SLC22A23: variants seen among roughly 807,000 people sequenced by gnomAD.
The protein encoded by SLC22A23 is ion transporter protein.
A neutral mutation model predicts 61.0 loss-of-function variants in SLC22A23; 26 were observed. The observed-to-expected ratio is 0.43, with a 90% CI of 0.31 to 0.59. SLC22A23 has a LOEUF of 0.59. Ranked by LOEUF, SLC22A23 falls within the 20% of genes least tolerant of loss-of-function variation. The probability of loss-of-function intolerance (pLI) is 0.11; values close to 1 mark genes in which losing one functional copy is unlikely to be tolerated. For missense variants in SLC22A23, 796 were observed against 934.7 expected, an observed-to-expected ratio of 0.85 and a Z score of 1.94; for synonymous variants, 430 against 413.9, an observed-to-expected ratio of 1.04 and a Z score of -0.47.
chr6:3,299,763 G>A (rs1244942104), intron 4 of SLC22A23, among the ~76,000 whole-genome samples: 1 of 152,170 alleles, frequency 6.6e-6, no homozygotes, highest in African/African-American at 2.4e-5. Context: ...GGGAGTGGGT[G>A]TGGCTATGGG....
rs1188922153 is a variant in SLC22A23, at chr6:3,318,804, C to G, written c.1082+5030G>C. On this transcript the variant is annotated intron_variant, in intron 4 of 9. Coordinates refer to ENST00000406686, the MANE Select transcript of SLC22A23 (RefSeq NM_015482.2). The surrounding 1 kb of genome is among the most constrained non-coding windows in gnomAD (Gnocchi z 4.3). ...CAGGACAGGACTTCAGCCTCCAGCC[C>G]TCCTGAGCTTCCATGTTTCTTAAAG... Among the ~76,000 whole-genome samples the G allele has an allele frequency of 2.0e-5, 3 of 152,202 alleles. No individual in the cohort carries two copies. In the East Asian group the frequency reaches 5.8e-4, roughly 29 times the overall value.
chr6:3,289,534 T>G (rs1298343419), intron 6 of SLC22A23, among the ~76,000 whole-genome samples: 4 of 152,148 alleles, frequency 2.6e-5, no homozygotes, highest in African/African-American at 9.7e-5. Flanking sequence ...GGGCACGTGG[T>G]GGGGAGGCCC....
At chr6:3,455,793 C>G (rs942935341) in intron 1 of SLC22A23, 113 bp downstream of exon 1, 12 of 1,307,470 alleles carry the variant, frequency 9.2e-6, no homozygotes, top group Middle Eastern at 2.7e-4. Flanking sequence ...GCGGAATGCC[C>G]TACACACACT....
Position 3,410,552 on chromosome 6 carries a change from G to A in SLC22A23, c.759-210C>T, listed in dbSNP as rs6924415. Among the ~76,000 whole-genome samples, 19,351 of 152,024 alleles carry A rather than the reference G, an allele frequency of 0.13. 3,531 individuals are homozygous for A. Among genetic ancestry groups the A allele is most frequent in the African/African-American group, 0.41 (16,930 of 41,354 alleles). On this transcript the variant is annotated intron_variant, in intron 2 of 9. Coordinates refer to ENST00000406686, the MANE Select transcript of SLC22A23 (RefSeq NM_015482.2). This position sits in a 1 kb window ranked among gnomAD's most constrained non-coding sequence, Gnocchi z 5.0. The stretch of plus-strand genomic sequence containing the variant: ...CAACCCCCTAATTCTCGAGATAAGG[G>A]AGCAGAGATCAACCAATTACAGAGT...
chr6:3,299,250 G>A (rs890944807), intron 4 of SLC22A23, among the ~76,000 whole-genome samples: 1 of 152,204 alleles, frequency 6.6e-6, no homozygotes, highest in Non-Finnish European at 1.5e-5. Flanking sequence ...CTAAAGCATG[G>A]AGAAACAATT....
chr6:3,349,682 A>T (rs558444977), intron 3 of SLC22A23, among the ~76,000 whole-genome samples: 2 of 152,278 alleles, frequency 1.3e-5, no homozygotes, highest in East Asian at 3.9e-4. Flanking sequence ...ATACTCAACC[A>T]CCCAAGTGCT....
intron 9 of SLC22A23, among the ~76,000 whole-genome samples, chr6:3,274,894 G>A (rs186094136): frequency 6.9e-6 from 1 of 145,034 alleles, no homozygotes; most frequent in South Asian, 2.2e-4. Context: ...ATATTATAAA[G>A]ATGGTAATTT....
At chr6:3,298,299 A>G in intron 4 of SLC22A23, 81 bp from the exon 5 acceptor site, 19 of 1,496,342 alleles carry the variant, frequency 1.3e-5, no homozygotes, top group Non-Finnish European at 1.7e-5. Flanking sequence ...GTGGCCCGGG[A>G]GCTTCCCAGG....
intron 3 of SLC22A23, among the ~76,000 whole-genome samples, chr6:3,334,273 C>T (rs972783552): frequency 1.4e-4 from 22 of 152,130 alleles, no homozygotes; most frequent in African/African-American, 2.2e-4. Context: ...GCTATTCTTC[C>T]GCCTCAGCTT....
At chr6:3,439,673 T>C (rs1476843274) in intron 1 of SLC22A23, among the ~76,000 whole-genome samples, 1 of 152,146 alleles carries the variant, frequency 6.6e-6, no homozygotes, top group African/African-American at 2.4e-5. Flanking sequence ...CTCACTCAAA[T>C]GAGAGCAAAA....
intron 1 of SLC22A23, among the ~76,000 whole-genome samples, chr6:3,419,308 T>C (rs1769958924): frequency 6.6e-6 from 1 of 152,116 alleles, no homozygotes; most frequent in African/African-American, 2.4e-5. Flanking sequence ...CCCCGATTTA[T>C]AGGGATGGGG....
At chr6:3,455,211 C>CTAAA (rs1274009152) in intron 1 of SLC22A23, among the ~76,000 whole-genome samples, 2 of 152,206 alleles carry the variant, frequency 1.3e-5, no homozygotes, top group African/African-American at 4.8e-5. Context: ...CATGTTTCAG[C>CTAAA]TAAAGCACAC....
intron 1 of SLC22A23, among the ~76,000 whole-genome samples, chr6:3,416,875 A>C (rs977173197): frequency 6.6e-6 from 1 of 152,172 alleles, no homozygotes; most frequent in Non-Finnish European, 1.5e-5. Flanking sequence ...CCGGAGCGGG[A>C]GGTGTTCTGG....
At chr6:3,381,234 C>T (rs1304988488) in intron 3 of SLC22A23, among the ~76,000 whole-genome samples, 2 of 152,146 alleles carry the variant, frequency 1.3e-5, no homozygotes, top group East Asian at 3.9e-4. Context: ...TCTCCCCAGC[C>T]TGCTGGGGCC....
rs1769590140 is a variant in SLC22A23, at chr6:3,415,080, G to A, written c.758+672C>T. On this transcript the variant is annotated intron_variant, in intron 2 of 9. Coordinates refer to ENST00000406686, the MANE Select transcript of SLC22A23 (RefSeq NM_015482.2). ...GCATCTCCTATTCGGGGTGTTGTAA[G>A]GAGATGTTAATGTATGGAACTACTT... 2.0e-5 allele frequency among the ~76,000 whole-genome samples: 3 copies of A among 152,222 alleles called. 1 individual carries two copies. The South Asian group carries it at 6.2e-4, about 32-fold the overall frequency.
chr6:3,378,650 C>CT (rs1561938122), intron 3 of SLC22A23, among the ~76,000 whole-genome samples: 1 of 79,368 alleles, frequency 1.3e-5, no homozygotes, highest in African/African-American at 7.9e-5. Context: ...TTTTTCTTTT[C>CT]TTTTTTCTTT....
At chr6:3,371,485 G>T (rs1168966466) in intron 3 of SLC22A23, among the ~76,000 whole-genome samples, 2 of 152,026 alleles carry the variant, frequency 1.3e-5, no homozygotes, top group African/African-American at 4.8e-5. Context: ...GCTTGCAGGC[G>T]GCTATGAAAA....
chr6:3,402,749 C>T (rs1175024346), intron 3 of SLC22A23, among the ~76,000 whole-genome samples: 1 of 152,242 alleles, frequency 6.6e-6, no homozygotes, highest in African/African-American at 2.4e-5. Flanking sequence ...GTGTCTCTGC[C>T]TCTTCACTCA....
chr6:3,278,584 C>T (rs1394651076), intron 9 of SLC22A23, among the ~76,000 whole-genome samples: 1 of 152,190 alleles, frequency 6.6e-6, no homozygotes, highest in Non-Finnish European at 1.5e-5. Flanking sequence ...TTAATAAATA[C>T]CGGATGCTTG....
Sources: gnomAD v4.1 joint callset for allele counts (sites outside exome capture counted in the v4.1 genomes callset) on GRCh38, gnomAD v4.1.1 for gene constraint, Gnocchi (gnomAD v3.1) non-coding constraint, MANE v1.5 for transcripts, NCBI Gene and HGNC (gene_info 2026-07-23, HGNC 2026-07-21) for gene names.